Variants in DIP2C observed in about 807,000 individuals in gnomAD.
The protein encoded by DIP2C is disco-interacting protein 2 homolog C.
In DIP2C, 33 loss-of-function variants were observed where a neutral mutation model predicts 192.4. That is an observed-to-expected ratio of 0.17 (90% CI 0.13 to 0.23). The LOEUF (loss-of-function observed/expected upper bound fraction) is 0.23. Ranked by LOEUF, DIP2C falls within the 10% of genes least tolerant of loss-of-function variation. The probability of loss-of-function intolerance (pLI) is 1.00; values close to 1 mark genes in which losing one functional copy is unlikely to be tolerated. For missense variants in DIP2C, 1,537 were observed against 2,110.1 expected (o/e 0.73, Z 5.32); for synonymous variants, 979 against 864.1 (o/e 1.13, Z -2.33).
chr10:550,905 G>A (rs1256894827), intron 1 of DIP2C, among the ~76,000 whole-genome samples: 8 of 152,132 alleles, frequency 5.3e-5, no homozygotes, highest in South Asian at 2.1e-4. Flanking sequence ...CACCCGATGC[G>A]AACCGTGCAC....
intron 33 of DIP2C, among the ~76,000 whole-genome samples, chr10:287,629 A>T (rs1268733285): frequency 1.4e-5 from 2 of 146,284 alleles, no homozygotes; most frequent in Non-Finnish European, 3.0e-5. Context: ...TCTTAGAATT[A>T]TGTCAATGGA....
At chr10:538,859 A>C (rs1847833332) in intron 1 of DIP2C, among the ~76,000 whole-genome samples, 1 of 152,250 alleles carries the variant, frequency 6.6e-6, no homozygotes, top group African/African-American at 2.4e-5. Flanking sequence ...CACTAGCAAA[A>C]AGCAGCACAT....
At chr10:640,721 GC>G (rs1855137638) in intron 1 of DIP2C, among the ~76,000 whole-genome samples, 4 of 2,192 alleles carry the variant, frequency 1.8e-3, no homozygotes, top group Non-Finnish European at 9.1e-3. Flanking sequence ...GAGGCTGCGC[GC>G]GGGGAAGAGG....
At chr10:577,726 T>G (rs1428157940) in intron 1 of DIP2C, among the ~76,000 whole-genome samples, 10 of 152,166 alleles carry the variant, frequency 6.6e-5, no homozygotes, top group Non-Finnish European at 1.3e-4. Flanking sequence ...TGATGAAGAC[T>G]CTGAACACCT....
At chr10:422,582 A>T (rs1390089583) in intron 5 of DIP2C, among the ~76,000 whole-genome samples, 1 of 152,196 alleles carries the variant, frequency 6.6e-6, no homozygotes, top group South Asian at 2.1e-4. Context: ...AAAAGATGGG[A>T]GCGGATACGG....
chr10:531,256 G>T (rs187022109), intron 1 of DIP2C, among the ~76,000 whole-genome samples: 2 of 151,998 alleles, frequency 1.3e-5, no homozygotes, highest in East Asian at 3.9e-4. Flanking sequence ...CACACACAGC[G>T]AACAAACCCC....
chr10:409,967 C>T (rs1043413751), intron 8 of DIP2C, among the ~76,000 whole-genome samples: 1 of 152,208 alleles, frequency 6.6e-6, no homozygotes, highest in Non-Finnish European at 1.5e-5. Context: ...CGTGATAATG[C>T]TGTAATAGTG....
rs545109270 is a variant in DIP2C at position 294,906 on chromosome 10, T to C, written c.3987-6485A>G. Among the ~76,000 whole-genome samples the C allele has an allele frequency of 2.6e-5, 4 of 152,194 alleles. No homozygotes were observed. In the South Asian group the frequency reaches 8.3e-4, roughly 32 times the overall value. The stretch of plus-strand genomic sequence containing the variant: ...AGAATAAAAGAATACATTTGCAAAC[T>C]ACTCACCAGACAGGGGATTAATATT... On this transcript the variant is annotated intron_variant, in intron 32 of 36. Coordinates refer to ENST00000280886, the MANE Select transcript of DIP2C (RefSeq NM_014974.3).
chr10:349,506 T>C (rs1452876555), intron 24 of DIP2C, 52 bp from the exon 25 acceptor site: 2 of 1,574,190 alleles, frequency 1.3e-6, no homozygotes, highest in South Asian at 1.1e-5. Context: ...GCAGAGCAGC[T>C]TGCAGAGAGC....
In DIP2C at chr10:633,376, G is replaced by A. The variant is rs1006706748; in HGVS notation, c.85+56118C>T. 3.6e-4 allele frequency among the ~76,000 whole-genome samples: 55 copies of A among 152,272 alleles called. 1 individual carries two copies. The highest frequency in any genetic ancestry group is 5.9e-5 in the Non-Finnish European group (4 of 68,014). On this transcript the variant is annotated intron_variant, in intron 1 of 36. Transcript: ENST00000280886. ...CGGCGGTGCCATAGAGCAGACGGGG[G>A]GAGTCCGAGGCGGTGCCGCAGAGCG...
chr10:294,197 ACT>A (rs1955634726), intron 32 of DIP2C, among the ~76,000 whole-genome samples: 1 of 152,052 alleles, frequency 6.6e-6, no homozygotes, highest in African/African-American at 2.4e-5. Context: ...TGCAGCCCAA[ACT>A]GCCCTCTTCC....
At chr10:502,676 C>T (rs373667153) in intron 1 of DIP2C, among the ~76,000 whole-genome samples, 5 of 152,238 alleles carry the variant, frequency 3.3e-5, no homozygotes, top group African/African-American at 4.8e-5. Flanking sequence ...GTGTACTCTA[C>T]GTATTGGCAA....
chr10:669,794 C>T (rs768037134), intron 1 of DIP2C, among the ~76,000 whole-genome samples: 16 of 152,322 alleles, frequency 1.1e-4, no homozygotes, highest in Non-Finnish European at 2.1e-4. Context: ...GAATATTCCA[C>T]GTTTCAGCTT....
At chr10:377,678 C>T (rs995712918) in intron 17 of DIP2C, among the ~76,000 whole-genome samples, 1 of 152,222 alleles carries the variant, frequency 6.6e-6, no homozygotes, top group African/African-American at 2.4e-5. Flanking sequence ...GTTTTCTCCG[C>T]TGTCACTCAT....
intron 3 of DIP2C, among the ~76,000 whole-genome samples, chr10:468,114 A>G (rs991347332): frequency 2.0e-5 from 3 of 152,190 alleles, no homozygotes; most frequent in African/African-American, 7.2e-5. Context: ...GGAGAAAGAA[A>G]AAAGCAGACA....
At chr10:504,398 G>C (rs185464536) in intron 1 of DIP2C, among the ~76,000 whole-genome samples, 5 of 152,068 alleles carry the variant, frequency 3.3e-5, no homozygotes, top group Non-Finnish European at 5.9e-5. Flanking sequence ...TTCCAGGCAC[G>C]AACTACCTGG....
intron 1 of DIP2C, among the ~76,000 whole-genome samples, chr10:683,006 A>G (rs1831187045): frequency 6.6e-6 from 1 of 152,200 alleles, no homozygotes; most frequent in Admixed American, 6.5e-5. Context: ...TACCTACTGC[A>G]CAAAGCACTT....
intron 2 of DIP2C, among the ~76,000 whole-genome samples, chr10:483,089 C>T (rs1843723211): frequency 6.6e-6 from 1 of 152,226 alleles, no homozygotes; most frequent in African/African-American, 2.4e-5. Flanking sequence ...CAGACGCTGC[C>T]CTCCTGAGCA....
At chr10:301,682 C>T (rs142144098) in intron 32 of DIP2C, among the ~76,000 whole-genome samples, 2,734 of 152,348 alleles carry the variant, frequency 0.018, 35 homozygotes, top group Admixed American at 0.031. Flanking sequence ...CTTCCATCTC[C>T]TGAAAACACA....
Sources: gnomAD v4.1 joint callset for allele counts (sites outside exome capture counted in the v4.1 genomes callset) on GRCh38, gnomAD v4.1.1 for gene constraint, MANE v1.5 for transcripts, NCBI Gene and HGNC (gene_info 2026-07-23, HGNC 2026-07-21) for gene names.